The following IL1RAPL2 variants were observed in gnomAD, a reference collection of about 807,000 sequenced individuals.
IL1RAPL2 encodes interleukin 1 receptor accessory protein like 2.
In IL1RAPL2, 3 loss-of-function variants were observed where a neutral mutation model predicts 44.1. The observed-to-expected ratio is 0.07, with a 90% CI of 0.03 to 0.18. IL1RAPL2 has a LOEUF of 0.18. Among genes scored for constraint, IL1RAPL2 ranks in the 10% least tolerant of loss-of-function variants. IL1RAPL2 has a pLI of 1.00. For synonymous variants in IL1RAPL2, 181 were observed against 178.8 expected, an observed-to-expected ratio of 1.01 and a Z score of -0.10; for missense variants, 391 against 496.4, an observed-to-expected ratio of 0.79 and a Z score of 2.02.
At chrX:105,592,621 C>A (rs763756073) in intron 6 of IL1RAPL2, among the ~76,000 whole-genome samples, 2 of 111,759 alleles carry the variant, frequency 1.8e-5, no homozygotes, top group Non-Finnish European at 3.8e-5. Flanking sequence ...TAAGGCAGGT[C>A]TGGTGGTAAC....
intron 6 of IL1RAPL2, among the ~76,000 whole-genome samples, chrX:105,615,291 A>C (rs1202521485): frequency 9.0e-6 from 1 of 111,587 alleles, no homozygotes; most frequent in Non-Finnish European, 1.9e-5. Flanking sequence ...ATAAGCTAAA[A>C]ATAGAGCTAC....
chrX:104,578,147 T>C (rs757422192), intron 1 of IL1RAPL2, among the ~76,000 whole-genome samples: 2 of 112,043 alleles, frequency 1.8e-5, no homozygotes, highest in African/African-American at 6.5e-5. Flanking sequence ...AGTTTGTCAA[T>C]AGTAATCTTC....
chrX:104,602,348 C>G (rs184311161), intron 1 of IL1RAPL2, among the ~76,000 whole-genome samples: 1 of 111,917 alleles, frequency 8.9e-6, no homozygotes, highest in African/African-American at 3.2e-5. Flanking sequence ...GAGATTCCCT[C>G]TGGTGCCCAC....
chrX:104,883,745 A>G (rs1323696247), intron 2 of IL1RAPL2, among the ~76,000 whole-genome samples: 3 of 111,508 alleles, frequency 2.7e-5, no homozygotes, highest in Non-Finnish European at 5.6e-5. Flanking sequence ...TCAGAAAGAC[A>G]TAATTTTTAC....
chrX:105,577,993 T>G (rs1361297760), intron 6 of IL1RAPL2, among the ~76,000 whole-genome samples: 2 of 108,653 alleles, frequency 1.8e-5, no homozygotes, highest in Non-Finnish European at 3.8e-5. Flanking sequence ...AACTCGTCAT[T>G]TAGCATTAGG....
intron 6 of IL1RAPL2, among the ~76,000 whole-genome samples, chrX:105,531,914 A>G (rs902656272): frequency 5.4e-5 from 6 of 111,548 alleles, no homozygotes; most frequent in Non-Finnish European, 9.4e-5. Context: ...CCATTGGACA[A>G]TGTGTCTGTT....
At chrX:105,142,988 T>C (rs1427430007) in intron 2 of IL1RAPL2, among the ~76,000 whole-genome samples, 1 of 111,270 alleles carries the variant, frequency 9.0e-6, no homozygotes, top group Non-Finnish European at 1.9e-5. Flanking sequence ...TAGTATTCCA[T>C]GGTGTATATG....
At chrX:105,203,088 T>G (rs1025279120) in intron 3 of IL1RAPL2, among the ~76,000 whole-genome samples, 3 of 112,032 alleles carry the variant, frequency 2.7e-5, no homozygotes, top group Non-Finnish European at 5.6e-5. Context: ...CCACTACATC[T>G]GCCCACCTAC....
chrX:105,355,994 C>T (rs2035199274), intron 5 of IL1RAPL2, among the ~76,000 whole-genome samples: 1 of 111,153 alleles, frequency 9.0e-6, no homozygotes, highest in South Asian at 3.8e-4. Flanking sequence ...CCCCCACCAC[C>T]GTAAAATACC....
intron 5 of IL1RAPL2, among the ~76,000 whole-genome samples, chrX:105,366,852 T>G (rs1388262951): frequency 8.9e-6 from 1 of 111,895 alleles, no homozygotes; most frequent in Non-Finnish European, 1.9e-5. Flanking sequence ...CTATTAGGTG[T>G]TTTTGTCTAA....
At chrX:105,467,703 C>T (rs1368845224) in intron 5 of IL1RAPL2, among the ~76,000 whole-genome samples, 2 of 111,459 alleles carry the variant, frequency 1.8e-5, no homozygotes, top group Non-Finnish European at 3.8e-5. Flanking sequence ...CTATGGAGCT[C>T]TAGACATAAA....
At position 105,394,363 on chromosome X, in the gene IL1RAPL2, T is replaced by A. The variant is rs1483023216; in HGVS notation, c.698-89950T>A. Among the ~76,000 whole-genome samples the A allele has an allele frequency of 2.7e-5, 3 of 112,042 alleles. No individual in the cohort carries two copies. The East Asian group carries it at 8.4e-4, about 31-fold the overall frequency. On this transcript the variant is annotated intron_variant, in intron 5 of 10. Transcript: ENST00000372582. ...TGCATTTTGAATGTTTGAGAACTCA[T>A]TTATTCATTCAATCATTTACCATTT...
chrX:104,931,265 C>T (rs766360025), intron 2 of IL1RAPL2, among the ~76,000 whole-genome samples: 9 of 106,392 alleles, frequency 8.5e-5, no homozygotes, highest in South Asian at 4.2e-4. Context: ...TATACCCCAA[C>T]GAAAAGTGAA....
At position 105,200,437 on chromosome X, in the gene IL1RAPL2, C is replaced by T. The variant is rs185203999; in HGVS notation, c.356+4689C>T. Among the ~76,000 whole-genome samples the T allele has an allele frequency of 9.9e-5, 11 of 111,563 alleles. No homozygotes were observed. In the East Asian group the frequency reaches 3.1e-3, roughly 31 times the overall value. On this transcript the variant is annotated intron_variant, in intron 3 of 10. Coordinates refer to ENST00000372582, the MANE Select transcript of IL1RAPL2 (RefSeq NM_017416.2). Reference sequence around the variant, plus strand: ...TCATATTGTGAGAGACGGTGCCAATCGAAGAATCACACCAATATTTTCAAT... The same window carrying T: ...TCATATTGTGAGAGACGGTGCCAATTGAAGAATCACACCAATATTTTCAAT...
At chrX:104,769,876 T>C (rs1251023999) in intron 2 of IL1RAPL2, among the ~76,000 whole-genome samples, 1 of 112,234 alleles carries the variant, frequency 8.9e-6, no homozygotes, top group Non-Finnish European at 1.9e-5. Flanking sequence ...TCTATTTGAA[T>C]CTGAGAACTG....
rs765481021 is a variant in IL1RAPL2 at position 105,562,538 on chromosome X, CACACACACACAT to C, written c.772+78160_772+78171del. On this transcript the variant is annotated intron_variant, in intron 6 of 10. Coordinates refer to ENST00000372582, the MANE Select transcript of IL1RAPL2 (RefSeq NM_017416.2). ...ACACACACACACACACACACACACA[CACACACACACAT>C]ACACACACCACATAATATGGAATGT... Among the ~76,000 whole-genome samples, 1,026 of 107,458 alleles carry C rather than the reference CACACACACACAT, an allele frequency of 9.5e-3. 8 individuals are homozygous for C. Among genetic ancestry groups the C allele is most frequent in the Middle Eastern group, 0.033 (7 of 213 alleles). The allele number at this position is 107,458 out of a possible 115,157, so 93.3% of individuals were successfully genotyped here.
At chrX:105,167,726 G>A (rs1361571225) in intron 2 of IL1RAPL2, among the ~76,000 whole-genome samples, 2 of 106,696 alleles carry the variant, frequency 1.9e-5, no homozygotes, top group Non-Finnish European at 3.8e-5. Context: ...GTCTTCAGGA[G>A]AGGCAGGGAA....
At chrX:104,840,503 A>G (rs1387197030) in intron 2 of IL1RAPL2, among the ~76,000 whole-genome samples, 9 of 111,556 alleles carry the variant, frequency 8.1e-5, no homozygotes, top group Non-Finnish European at 1.5e-4. Context: ...CAGTTTTACA[A>G]TAAGTGCCAT....
chrX:105,177,034 AC>A (rs2033480673), intron 2 of IL1RAPL2, among the ~76,000 whole-genome samples: 1 of 110,689 alleles, frequency 9.0e-6, no homozygotes, highest in African/African-American at 3.3e-5. Flanking sequence ...GGGGTCTTCA[AC>A]CTCCTGGACC....
Sources: allele counts gnomAD v4.1 joint callset (sites outside exome capture counted in the v4.1 genomes callset), GRCh38; gene constraint gnomAD v4.1.1; transcripts MANE v1.5; gene names NCBI Gene and HGNC (gene_info 2026-07-23, HGNC 2026-07-21).